The following TEX9 variants were observed in gnomAD, a reference collection of about 807,000 sequenced individuals.
TEX9 encodes testis-expressed protein 9.
Under a neutral mutation model 59.6 loss-of-function variants are expected in TEX9, and 74 were observed. The ratio of observed to expected loss-of-function variants is 1.24; its 90% CI spans 1.03 to 1.51. TEX9 has a LOEUF of 1.51. TEX9 is among the 40% of genes most tolerant of loss of function. The pLI is 0.00. For synonymous variants in TEX9, 186 were observed against 152.2 expected, an observed-to-expected ratio of 1.22 and a Z score of -1.64; for missense variants, 522 against 447.8, an observed-to-expected ratio of 1.17 and a Z score of -1.49.
intron 1 of TEX9, among the ~76,000 whole-genome samples, chr15:56,286,401 G>T (rs2044954565): frequency 6.6e-6 from 1 of 152,142 alleles, no homozygotes; most frequent in African/African-American, 2.4e-5. Context: ...ATGAGGCACT[G>T]ACACATCATC....
At chr15:56,324,500 A>G (rs1337943808) in intron 1 of TEX9, among the ~76,000 whole-genome samples, 1 of 152,176 alleles carries the variant, frequency 6.6e-6, no homozygotes, top group Non-Finnish European at 1.5e-5. Context: ...TAATTAACTG[A>G]GAGGGTTTGT....
Position 56,358,248 on chromosome 15 carries a change from T to C in TEX9, c.-106-15193T>C, listed in dbSNP as rs1281473009. 2.0e-5 allele frequency among the ~76,000 whole-genome samples: 3 copies of C among 152,152 alleles called. No individual in the cohort carries two copies. The South Asian group carries it at 6.2e-4, about 31-fold the overall frequency. ...ATGCCTACTATCAGAAGATCTTGTT[T>C]ATTTGTGGGGAAGAGATCTGGAGAA... On this transcript the variant is annotated intron_variant, in intron 1 of 5. Coordinates refer to the TEX9 transcript ENST00000560827.
intron 12 of TEX9, among the ~76,000 whole-genome samples, chr15:56,435,022 T>C (rs753964996): frequency 3.9e-5 from 6 of 152,108 alleles, no homozygotes; most frequent in Non-Finnish European, 7.4e-5. Context: ...CTAAAAAATA[T>C]AATTTTACAA....
chr15:56,435,766 C>T (rs2050713452), intron 12 of TEX9, among the ~76,000 whole-genome samples: 1 of 151,956 alleles, frequency 6.6e-6, no homozygotes, highest in African/African-American at 2.4e-5. Flanking sequence ...ACGAATTCTA[C>T]ACAATCTCTT....
chr15:56,332,197 A>G (rs1319514787), intron 1 of TEX9, among the ~76,000 whole-genome samples: 1 of 143,176 alleles, frequency 7.0e-6, no homozygotes, highest in Non-Finnish European at 1.5e-5. Flanking sequence ...ATTATTCACA[A>G]TAGCAAAGAC....
At chr15:56,400,192 GGATCAT>G (rs1423707623) in intron 9 of TEX9, among the ~76,000 whole-genome samples, 1 of 152,246 alleles carries the variant, frequency 6.6e-6, no homozygotes, top group East Asian at 1.9e-4. Flanking sequence ...CTGAGCTAAA[GGATCAT>G]GATGTTCTAA....
At chr15:56,409,128 G>A (rs1197895637) in intron 9 of TEX9, among the ~76,000 whole-genome samples, 1 of 152,078 alleles carries the variant, frequency 6.6e-6, no homozygotes, top group Non-Finnish European at 1.5e-5. Context: ...CCCGGGAGGC[G>A]GTGCTTGCAG....
At chr15:56,428,375 T>A in exon 12 of TEX9, 1 of 1,611,648 alleles carries the variant, frequency 6.2e-7, no homozygotes, top group Non-Finnish European at 8.5e-7. Context: ...AGATGCATAT[T>A]GAAGCTGCCA....
intron 1 of TEX9, among the ~76,000 whole-genome samples, chr15:56,286,736 T>A (rs886410431): frequency 6.6e-6 from 1 of 152,192 alleles, no homozygotes; most frequent in Non-Finnish European, 1.5e-5. Flanking sequence ...GATTAGAAAG[T>A]TGAAATGTAG....
chr15:56,344,530 GTC>G (rs2046430253), intron 1 of TEX9, among the ~76,000 whole-genome samples: 1 of 152,082 alleles, frequency 6.6e-6, no homozygotes, highest in Admixed American at 6.6e-5. Context: ...TGGGAAGTGA[GTC>G]TTAATGGGCA....
intron 6 of TEX9, among the ~76,000 whole-genome samples, chr15:56,390,832 G>A (rs2048173983): frequency 6.6e-6 from 1 of 152,008 alleles, no homozygotes; most frequent in African/African-American, 2.4e-5. Context: ...TTTTTCTCTA[G>A]AAGCGTGTAA....
chr15:56,403,322 G>A (rs1428339448), intron 9 of TEX9, among the ~76,000 whole-genome samples: 1 of 152,186 alleles, frequency 6.6e-6, no homozygotes, highest in Non-Finnish European at 1.5e-5. Flanking sequence ...AAAATCACAA[G>A]CATTCCTATA....
At chr15:56,249,795 G>T (rs1262051635) in intron 1 of TEX9, among the ~76,000 whole-genome samples, 1 of 147,566 alleles carries the variant, frequency 6.8e-6, no homozygotes, top group Non-Finnish European at 1.5e-5. Flanking sequence ...TCTATGGGCA[G>T]GTGGAATTAC....
chr15:56,452,518 TTTTC>T, the TEX9 span, among the ~76,000 whole-genome samples: 1 of 134,760 alleles, frequency 7.4e-6, no homozygotes, highest in Non-Finnish European at 1.6e-5. Flanking sequence ...TGTTTTCTTT[TTTTC>T]TTTTTTTTTT....
At chr15:56,282,483 A>G (rs1456960382) in intron 1 of TEX9, among the ~76,000 whole-genome samples, 1 of 152,210 alleles carries the variant, frequency 6.6e-6, no homozygotes, top group Non-Finnish European at 1.5e-5. Context: ...AATATTGCAT[A>G]GGAAGTTCTG....
chr15:56,269,819 T>C (rs1423119490), intron 1 of TEX9, among the ~76,000 whole-genome samples: 3 of 151,930 alleles, frequency 2.0e-5, no homozygotes, highest in Non-Finnish European at 4.4e-5. Context: ...TACACCTGGA[T>C]AATTTTTTTT....
chr15:56,401,473 G>C (rs541649450), intron 9 of TEX9, among the ~76,000 whole-genome samples: 5 of 152,126 alleles, frequency 3.3e-5, no homozygotes, highest in African/African-American at 1.2e-4. Context: ...CCCAATACAG[G>C]AACACCCAGA....
chr15:56,388,438 T>A, intron 4 of TEX9, 34 bp from the exon 5 acceptor site: 1 of 1,525,158 alleles, frequency 6.6e-7, no homozygotes, highest in Non-Finnish European at 9.1e-7. Context: ...GTGTCATCTA[T>A]TATTAATGTA....
chr15:56,296,278 C>A (rs1005764456), intron 1 of TEX9, among the ~76,000 whole-genome samples: 6 of 152,124 alleles, frequency 3.9e-5, no homozygotes, highest in Non-Finnish European at 7.3e-5. Flanking sequence ...ATCTAATTAC[C>A]TAATTCTGTG....
Sources: gnomAD v4.1 joint callset for allele counts (sites outside exome capture counted in the v4.1 genomes callset) on GRCh38, gnomAD v4.1.1 for gene constraint, MANE v1.5 for transcripts, NCBI Gene and HGNC (gene_info 2026-07-23, HGNC 2026-07-21) for gene names.